Variants in TAFA2 observed in about 807,000 individuals in gnomAD.
TAFA2 encodes the protein TAFA chemokine like family member 2.
A neutral mutation model predicts 18.8 loss-of-function variants in TAFA2; 7 were observed. The ratio of observed to expected loss-of-function variants is 0.37; its 90% confidence interval spans 0.21 to 0.70. TAFA2 has a LOEUF of 0.70. TAFA2 is among the 30% of genes least tolerant of loss of function. TAFA2 has a pLI of 0.53. For synonymous variants in TAFA2, 60 were observed against 54.2 expected (o/e 1.11, Z -0.47); for missense variants, 122 against 158.1 (o/e 0.77, Z 1.23).
At chr12:61,931,312 G>A (rs1877545211) in intron 1 of TAFA2, among the ~76,000 whole-genome samples, 1 of 152,004 alleles carries the variant, frequency 6.6e-6, no homozygotes, top group African/African-American at 2.4e-5. Flanking sequence ...GAAATCTCAG[G>A]TACCTTGGTT....
intron 1 of TAFA2, among the ~76,000 whole-genome samples, chr12:61,913,006 G>T (rs1464192544): frequency 6.6e-6 from 1 of 152,168 alleles, no homozygotes; most frequent in Non-Finnish European, 1.5e-5. Flanking sequence ...ATAAGGAGTA[G>T]TAATGAGTAT....
intron 1 of TAFA2, among the ~76,000 whole-genome samples, chr12:62,143,498 T>C (rs1444486948): frequency 6.6e-6 from 1 of 152,184 alleles, no homozygotes; most frequent in African/African-American, 2.4e-5. Flanking sequence ...CTAAGAACTT[T>C]GTTTCATCTA....
At chr12:62,118,862 A>G (rs193035801) in intron 1 of TAFA2, among the ~76,000 whole-genome samples, 118 of 152,262 alleles carry the variant, frequency 7.7e-4, no homozygotes, top group Admixed American at 2.6e-3. Context: ...TTTGTCCGTT[A>G]TGTAGATTGT....
chr12:61,953,945 T>C (rs987311822), intron 1 of TAFA2, among the ~76,000 whole-genome samples: 29 of 152,352 alleles, frequency 1.9e-4, no homozygotes, highest in African/African-American at 7.0e-4. Flanking sequence ...TACCTAGAAT[T>C]TTTTTCATGT....
At position 61,843,078 on chromosome 12, in the gene TAFA2, T is replaced by G. The variant is rs552180561; in HGVS notation, c.106+24242A>C. On this transcript the variant is annotated intron_variant, in intron 2 of 4. Transcript: ENST00000416284. ...AGAGAGACTAAGGGAATAGCTACCT[T>G]GGGTCTCAGAAAATGTTCAGTAGGC... 2.1e-3 allele frequency among the ~76,000 whole-genome samples: 323 copies of G among 152,104 alleles called. 3 individuals carry two copies. The highest frequency in any genetic ancestry group is 7.2e-3 in the African/African-American group (299 of 41,532).
At chr12:61,877,600 A>C (rs976095216) in intron 1 of TAFA2, among the ~76,000 whole-genome samples, 1 of 152,148 alleles carries the variant, frequency 6.6e-6, no homozygotes, top group Non-Finnish European at 1.5e-5. Flanking sequence ...AACTACAGCC[A>C]TCGTCATTTC....
intron 1 of TAFA2, among the ~76,000 whole-genome samples, chr12:61,905,530 T>A (rs545177533): frequency 1.3e-5 from 2 of 152,324 alleles, no homozygotes; most frequent in Admixed American, 1.3e-4. Flanking sequence ...AGGTTTAATA[T>A]TTTTTGTAAA....
intron 1 of TAFA2, among the ~76,000 whole-genome samples, chr12:61,870,214 C>T (rs1031580): frequency 0.82 from 124,688 of 152,204 alleles, 51,316 homozygotes; most frequent in African/African-American, 0.91. Flanking sequence ...TACCATGTTC[C>T]GTCAATACTA....
chr12:61,802,984 T>C (rs1427896912), intron 2 of TAFA2, among the ~76,000 whole-genome samples: 1 of 151,988 alleles, frequency 6.6e-6, no homozygotes, highest in Admixed American at 6.6e-5. Context: ...TGTTCAATAC[T>C]GCAAGCAATA....
At chr12:62,213,657 T>C (rs1441379456) in intron 1 of TAFA2, among the ~76,000 whole-genome samples, 1 of 136,498 alleles carries the variant, frequency 7.3e-6, no homozygotes, top group African/African-American at 2.8e-5. Flanking sequence ...AAAAAAAAAG[T>C]GTAAGTTGCC....
intron 1 of TAFA2, among the ~76,000 whole-genome samples, chr12:62,012,948 A>G (rs1880819179): frequency 6.6e-6 from 1 of 152,176 alleles, no homozygotes; most frequent in Non-Finnish European, 1.5e-5. Context: ...CAGAGCCTCA[A>G]TGCATACTTA....
At position 61,880,525 on chromosome 12, in the gene TAFA2, G is replaced by A. The variant is rs1565667303; in HGVS notation, c.-1-13099C>T. 6 of 514,910 alleles carry A rather than the reference G, an allele frequency of 1.2e-5. No individual in the cohort carries two copies. In the Middle Eastern group the frequency reaches 2.7e-3, roughly 234 times the overall value. The allele number at this position is 514,910 out of a possible 1,614,324, so 31.9% of individuals were successfully genotyped here. A position where few individuals can be genotyped will look rare whatever the true frequency, so the allele number is the denominator to read the frequency against. On this transcript the variant is annotated intron_variant, in intron 1 of 4. Transcript: ENST00000416284. ...AGCTGCTGGAGGGTGAAGAGAGCTG[G>A]CAAGAGTCTAGGATGCAGAACATGA...
chr12:61,993,812 T>C lies in TAFA2; in HGVS notation c.-1-126386A>G, dbSNP rs59611556. On this transcript the variant is annotated intron_variant, in intron 1 of 4. Transcript: ENST00000416284. ...GACTAAAGTGTTCATGTTCGTGGGA[T>C]GTTTATTTGCCTTGAGTGCTGCTTC... Among the ~76,000 whole-genome samples the C allele has an allele frequency of 8.7e-3, 1,325 of 152,262 alleles. 19 individuals are homozygous for C. Among genetic ancestry groups the C allele is most frequent in the African/African-American group, 0.03 (1,241 of 41,540 alleles).
chr12:61,720,100 T>C (rs984210358), intron 4 of TAFA2, among the ~76,000 whole-genome samples: 2 of 152,102 alleles, frequency 1.3e-5, no homozygotes, highest in Non-Finnish European at 2.9e-5. Context: ...ATAACAACCA[T>C]CATAGTTCAG....
chr12:61,852,080 GT>G (rs1390296963), intron 2 of TAFA2, among the ~76,000 whole-genome samples: 10 of 151,724 alleles, frequency 6.6e-5, no homozygotes, highest in African/African-American at 2.4e-4. Context: ...TGTGGCAAGT[GT>G]CTGTAATCCC....
chr12:61,811,771 G>T (rs1165062515), intron 2 of TAFA2, among the ~76,000 whole-genome samples: 1 of 151,286 alleles, frequency 6.6e-6, no homozygotes, highest in Non-Finnish European at 1.5e-5. Flanking sequence ...GCCCTTTCAA[G>T]TGGACACATA....
chr12:62,181,071 C>T (rs1314789390), intron 1 of TAFA2, among the ~76,000 whole-genome samples: 2 of 152,166 alleles, frequency 1.3e-5, no homozygotes, highest in Non-Finnish European at 2.9e-5. Context: ...AGCATGCTTA[C>T]TTTATTTTTG....
At position 62,111,093 on chromosome 12, in the gene TAFA2, G is replaced by A. The variant is rs139329378; in HGVS notation, c.-2+80166C>T. On this transcript the variant is annotated intron_variant, in intron 1 of 4. Coordinates refer to ENST00000416284, the MANE Select transcript of TAFA2 (RefSeq NM_178539.5). ...TTTTGATGTTAGGGTGTTGATTTTA[G>A]ATCTTTCCCACTTTCTCCTGTGGGC... 9.5e-3 allele frequency among the ~76,000 whole-genome samples: 1,441 copies of A among 152,088 alleles called. 21 individuals are homozygous for A. The highest frequency in any genetic ancestry group is 0.032 in the African/African-American group (1,340 of 41,480).
At chr12:61,924,112 A>G (rs773712636) in intron 1 of TAFA2, among the ~76,000 whole-genome samples, 53 of 152,114 alleles carry the variant, frequency 3.5e-4, no homozygotes, top group Non-Finnish European at 6.6e-4. Context: ...CCTACGTTTC[A>G]TTGGTGTACC....
Sources: allele counts gnomAD v4.1 joint callset (sites outside exome capture counted in the v4.1 genomes callset), GRCh38; gene constraint gnomAD v4.1.1; transcripts MANE v1.5; gene names NCBI Gene and HGNC (gene_info 2026-07-23, HGNC 2026-07-21).